Variants in PDE4D observed in about 807,000 individuals in gnomAD.
The protein encoded by PDE4D is 3',5'-cyclic-AMP phosphodiesterase 4D.
In PDE4D, 24 loss-of-function variants were observed where a neutral mutation model predicts 87.4. That is an observed-to-expected ratio of 0.27 (90% CI 0.20 to 0.39). The LOEUF (loss-of-function observed/expected upper bound fraction) is 0.39. PDE4D is among the 10% of genes least tolerant of loss of function. PDE4D has a pLI of 1.00. For synonymous variants in PDE4D, 384 were observed against 383.2 expected, an observed-to-expected ratio of 1.00 and a Z score of -0.02; for missense variants, 714 against 1,041.0, an observed-to-expected ratio of 0.69 and a Z score of 4.32.
chr5:59,838,563 C>A (rs560694999), intron 1 of PDE4D, among the ~76,000 whole-genome samples: 1 of 152,052 alleles, frequency 6.6e-6, no homozygotes, highest in Admixed American at 6.6e-5. Flanking sequence ...ACTTTCCCTT[C>A]GGTTTTGAAT....
intron 1 of PDE4D, among the ~76,000 whole-genome samples, chr5:59,357,907 G>A (rs1781636547): frequency 2.6e-5 from 4 of 152,110 alleles, no homozygotes; most frequent in Admixed American, 2.6e-4. Flanking sequence ...TAAACCAAGG[G>A]AGAGCGCCAC....
intron 3 of PDE4D, chr5:59,987,517 T>A (rs1271151148): frequency 6.6e-6 from 1 of 152,172 alleles, no homozygotes; most frequent in Non-Finnish European, 1.5e-5. Flanking sequence ...TTGAGTTGAG[T>A]TACTAGCCAA....
intron 1 of PDE4D, among the ~76,000 whole-genome samples, chr5:59,738,956 T>C (rs1758466412): frequency 6.6e-6 from 1 of 151,840 alleles, no homozygotes; most frequent in Non-Finnish European, 1.5e-5. Context: ...TAGAAAAAAA[T>C]AAAGGTGAAC....
At chr5:59,963,697 T>A (rs921406343) in intron 3 of PDE4D, among the ~76,000 whole-genome samples, 1 of 152,216 alleles carries the variant, frequency 6.6e-6, no homozygotes, top group African/African-American at 2.4e-5. Context: ...ATTCCATAGT[T>A]ATACAGAGTT....
At chr5:59,265,951 G>A (rs965147064) in intron 1 of PDE4D, among the ~76,000 whole-genome samples, 3 of 151,934 alleles carry the variant, frequency 2.0e-5, no homozygotes, top group Non-Finnish European at 4.4e-5. Flanking sequence ...TTCAAGATGC[G>A]AATTACAGCT....
chr5:59,583,482 G>A (rs898996576), intron 1 of PDE4D, among the ~76,000 whole-genome samples: 1 of 152,160 alleles, frequency 6.6e-6, no homozygotes, highest in African/African-American at 2.4e-5. Flanking sequence ...ATCTTTGTTT[G>A]GCTTGGCAGT....
At chr5:59,039,967 G>C (rs1759393343) in intron 5 of PDE4D, 2 of 152,372 alleles carry the variant, frequency 1.3e-5, no homozygotes, top group South Asian at 4.1e-4. Flanking sequence ...TGTCTCGCTA[G>C]AACCCCGCGC....
chr5:59,424,367 A>C (rs1004953564), intron 1 of PDE4D, among the ~76,000 whole-genome samples: 4 of 152,176 alleles, frequency 2.6e-5, no homozygotes, highest in African/African-American at 7.2e-5. Flanking sequence ...CTTTGTTTTC[A>C]AAGTTTTTCC....
At chr5:59,716,383 G>C (rs1396637221) in intron 1 of PDE4D, among the ~76,000 whole-genome samples, 1 of 152,094 alleles carries the variant, frequency 6.6e-6, no homozygotes, top group East Asian at 1.9e-4. Context: ...CCAGCTACCC[G>C]CCACTTGCCC....
intron 1 of PDE4D, among the ~76,000 whole-genome samples, chr5:59,683,020 T>C (rs914016857): frequency 6.6e-6 from 1 of 152,244 alleles, no homozygotes; most frequent in Non-Finnish European, 1.5e-5. Context: ...GGGACAATTA[T>C]TGAAATTTAG....
At chr5:59,604,572 A>C (rs1321777925) in intron 1 of PDE4D, among the ~76,000 whole-genome samples, 2 of 152,044 alleles carry the variant, frequency 1.3e-5, no homozygotes, top group Non-Finnish European at 2.9e-5. Context: ...TCTATAAATT[A>C]GAGTAAGACC....
intron 1 of PDE4D, among the ~76,000 whole-genome samples, chr5:59,680,817 G>T (rs527791538): frequency 6.6e-6 from 1 of 152,120 alleles, no homozygotes; most frequent in East Asian, 1.9e-4. Context: ...GCTTCTCACC[G>T]TAACTTCTCA....
chr5:59,299,417 C>A (rs1372959252), intron 1 of PDE4D, among the ~76,000 whole-genome samples: 1 of 152,060 alleles, frequency 6.6e-6, no homozygotes, highest in African/African-American at 2.4e-5. Context: ...TTCAGAGATC[C>A]TTCCATTTCC....
intron 1 of PDE4D, among the ~76,000 whole-genome samples, chr5:59,825,290 G>A (rs995137022): frequency 1.3e-5 from 2 of 152,172 alleles, no homozygotes; most frequent in Non-Finnish European, 2.9e-5. Context: ...TTAGCATCAG[G>A]TCTGAGCTAA....
At chr5:60,471,561 T>G (rs1747813735) in intron 1 of PDE4D, among the ~76,000 whole-genome samples, 1 of 152,186 alleles carries the variant, frequency 6.6e-6, no homozygotes, top group Non-Finnish European at 1.5e-5. Context: ...ATTGTTGTCT[T>G]ATTTCATGCA....
At chr5:59,054,507 T>C (rs1762052690) in intron 5 of PDE4D, among the ~76,000 whole-genome samples, 1 of 152,032 alleles carries the variant, frequency 6.6e-6, no homozygotes, top group African/African-American at 2.4e-5. Flanking sequence ...TTAAAGAAAC[T>C]CTTGTGTTTT....
At chr5:60,278,341 CT>C (rs1751572250) in intron 1 of PDE4D, among the ~76,000 whole-genome samples, 1 of 151,964 alleles carries the variant, frequency 6.6e-6, no homozygotes, top group African/African-American at 2.4e-5. Flanking sequence ...TCAAGATTTT[CT>C]TTGTGTCTTT....
chr5:59,216,868 C>G (rs193016087), intron 1 of PDE4D: 1 of 177,790 alleles, frequency 5.6e-6, no homozygotes, highest in Admixed American at 5.8e-5. Flanking sequence ...CCTTTCTCTA[C>G]GCTCCCAAGA....
chr5:59,840,055 T>C (rs574672216), intron 1 of PDE4D, among the ~76,000 whole-genome samples: 1 of 152,040 alleles, frequency 6.6e-6, no homozygotes, highest in Non-Finnish European at 1.5e-5. Context: ...TTTCCCCCTC[T>C]GAGCATCTTT....
Sources: allele counts gnomAD v4.1 joint callset (sites outside exome capture counted in the v4.1 genomes callset), GRCh38; gene constraint gnomAD v4.1.1; transcripts MANE v1.5; gene names NCBI Gene and HGNC (gene_info 2026-07-23, HGNC 2026-07-21).